Variants in GRIK4 observed in about 807,000 individuals in gnomAD.
GRIK4 encodes the protein glutamate receptor ionotropic, kainate 4.
In GRIK4, 40 loss-of-function variants were observed where a neutral mutation model predicts 104.9. The observed-to-expected ratio is 0.38, with a 90% CI of 0.30 to 0.50. GRIK4 has a LOEUF of 0.50. Ranked by LOEUF, GRIK4 falls within the 20% of genes least tolerant of loss-of-function variation. The pLI is 0.93. For missense variants in GRIK4, 1,047 were observed against 1,308.1 expected (o/e 0.80, Z 3.08); for synonymous variants, 485 against 524.9 (o/e 0.92, Z 1.04).
In GRIK4 at chr11:120,973,913, A is replaced by ATT. The variant is rs5795258; in HGVS notation, c.2395+6601_2395+6602dup. Reference sequence around the variant, plus strand: ...ACCCAAAGATCTCTTCCCTTAAATCATTTTTTTTTTTTGAGACAGATTCTC... The same window carrying ATT: ...ACCCAAAGATCTCTTCCCTTAAATCATTTTTTTTTTTTTTGAGACAGATTCTC... On this transcript the variant is annotated intron_variant, in intron 19 of 20. Transcript: ENST00000527524. 3.3e-3 allele frequency among the ~76,000 whole-genome samples: 488 copies of ATT among 149,014 alleles called. 1 individual carries two copies. Among genetic ancestry groups the ATT allele is most frequent in the South Asian group, 5.3e-3 (25 of 4,720 alleles).
intron 14 of GRIK4, among the ~76,000 whole-genome samples, chr11:120,942,391 A>G (rs771726047): frequency 2.0e-4 from 31 of 152,164 alleles, no homozygotes; most frequent in Non-Finnish European, 4.0e-4. Flanking sequence ...GACATCCAAA[A>G]GAAATGGAGG....
intron 13 of GRIK4, among the ~76,000 whole-genome samples, chr11:120,911,322 T>C (rs1426283059): frequency 1.0e-4 from 15 of 147,916 alleles, no homozygotes; most frequent in African/African-American, 3.5e-4. Context: ...CACTGCAAGC[T>C]CCGCCTCCCG....
rs138240220 is a variant in GRIK4, at chr11:120,571,185, A to G, written c.-159+59298A>G. On this transcript the variant is annotated intron_variant, in intron 1 of 20. Coordinates refer to ENST00000527524, the MANE Select transcript of GRIK4 (RefSeq NM_014619.5). ...GACTCCTTTTGCCTTTCCCTGATTT[A>G]CATTCCCTATTTCTGAGACCTTGCA... Among the ~76,000 whole-genome samples, 230 of 152,266 alleles carry G rather than the reference A, an allele frequency of 1.5e-3. 1 individual carries two copies. The highest frequency in any genetic ancestry group is 5.1e-3 in the African/African-American group (210 of 41,546).
chr11:120,982,139 T>C lies in GRIK4; in HGVS notation c.2429T>C (p.Val810Ala). 1 of 1,612,500 alleles carries C rather than the reference T, an allele frequency of 6.2e-7. No homozygotes were observed. The highest frequency in any genetic ancestry group is 1.1e-5 in the South Asian group (1 of 91,070). Residue 810 changes from valine (V) to alanine (A), a missense_variant, in exon 20 of 21, where the codon GTG (valine) becomes GCG (alanine). Val to Ala is a moderately conservative substitution (Grantham distance 64, BLOSUM62 0). This residue lies in a region of GRIK4 where 440 missense variants were observed against 652.3 expected (regional missense o/e 0.67). Transcript: ENST00000527524. ...ATGGAGAATATTGGTGGAATCTTTG[T>C]GGTTCTTATTTGTGGCTTAATCGTG... is the stretch of plus-strand genomic sequence containing the variant. ...LGMENIGGIF[V>A]VLICGLIVAI... is the part of the protein sequence containing the mutation.
intron 1 of GRIK4, among the ~76,000 whole-genome samples, chr11:120,592,757 C>T (rs1174350555): frequency 6.6e-6 from 1 of 152,148 alleles, no homozygotes; most frequent in African/African-American, 2.4e-5. Context: ...GACCTCCCAC[C>T]CACATGTGCC....
intron 1 of GRIK4, among the ~76,000 whole-genome samples, chr11:120,646,354 A>G (rs144472913): frequency 4.0e-4 from 61 of 152,350 alleles, no homozygotes; most frequent in Non-Finnish European, 7.2e-4. Flanking sequence ...CCCAAGTCAC[A>G]TGACTGGTAG....
intron 7 of GRIK4, among the ~76,000 whole-genome samples, chr11:120,834,778 T>C (rs1418734180): frequency 6.6e-6 from 1 of 152,256 alleles, no homozygotes; most frequent in Non-Finnish European, 1.5e-5. Context: ...ACTCCATGTT[T>C]ACCCAGAAAT....
chr11:120,968,272 G>A (rs983742351), intron 19 of GRIK4, among the ~76,000 whole-genome samples: 10 of 152,184 alleles, frequency 6.6e-5, no homozygotes, highest in African/African-American at 2.4e-4. Context: ...TCTATCTATT[G>A]TAGATCAGTT....
At chr11:120,681,660 C>T (rs970515083) in intron 3 of GRIK4, among the ~76,000 whole-genome samples, 5 of 152,210 alleles carry the variant, frequency 3.3e-5, no homozygotes, top group African/African-American at 9.6e-5. Flanking sequence ...AGAACAGCGG[C>T]GGCCCACTTA....
intron 1 of GRIK4, among the ~76,000 whole-genome samples, chr11:120,573,119 G>C (rs1226575296): frequency 6.6e-6 from 1 of 152,194 alleles, no homozygotes; most frequent in African/African-American, 2.4e-5. Flanking sequence ...CATGAGCCAG[G>C]TTGGTTTTGC....
chr11:120,787,872 T>C (rs1356917306), intron 3 of GRIK4, among the ~76,000 whole-genome samples: 1 of 126,128 alleles, frequency 7.9e-6, no homozygotes, highest in Non-Finnish European at 1.7e-5. Context: ...TTTTTTTTTT[T>C]TTTTTTTTTG....
At chr11:120,763,503 C>G (rs1393300458) in intron 3 of GRIK4, among the ~76,000 whole-genome samples, 2 of 152,002 alleles carry the variant, frequency 1.3e-5, no homozygotes, top group East Asian at 3.8e-4. Flanking sequence ...TTTGTTTGCT[C>G]TTGCTTCTCT....
In GRIK4 at chr11:120,766,115, C is replaced by A. The variant is rs949144721; in HGVS notation, c.83-36578C>A. Among the ~76,000 whole-genome samples, 38 of 152,244 alleles carry A rather than the reference C, an allele frequency of 2.5e-4. 1 individual carries two copies. The highest frequency in any genetic ancestry group is 2.5e-3 in the Admixed American group (38 of 15,282). The stretch of plus-strand genomic sequence containing the variant: ...GGGAGTTTTATCTATAAGCTGCTGA[C>A]TGGGGCTGCTACCTTTCTTTCAGAG... On this transcript the variant is annotated intron_variant, in intron 3 of 20. Coordinates refer to ENST00000527524, the MANE Select transcript of GRIK4 (RefSeq NM_014619.5).
chr11:120,581,946 A>G (rs969695668), intron 1 of GRIK4, among the ~76,000 whole-genome samples: 11 of 151,916 alleles, frequency 7.2e-5, no homozygotes, highest in African/African-American at 2.2e-4. Context: ...AGCTGGGACT[A>G]CAGGTGCCCA....
In GRIK4 at chr11:120,952,721, A is replaced by T. The variant is rs1462585262; in HGVS notation, c.1591-134A>T. 1 of 721,536 alleles carries T rather than the reference A, an allele frequency of 1.4e-6. No homozygotes were observed. The allele number at this position is 721,536 out of a possible 1,614,324, so 44.7% of individuals were successfully genotyped here. ...CCTCATTCCCAGTGTCATTTAAACC[A>T]ATCACCCAGAACCCACAGAAATGGG... On this transcript the variant is annotated intron_variant, in intron 14 of 20. Coordinates refer to ENST00000527524, the MANE Select transcript of GRIK4 (RefSeq NM_014619.5). This position sits in a 1 kb window ranked among gnomAD's most constrained non-coding sequence, Gnocchi z 5.2.
At position 120,549,395 on chromosome 11, in the gene GRIK4, C is replaced by T. The variant is rs184739003; in HGVS notation, c.-159+37508C>T. Among the ~76,000 whole-genome samples, 85 of 152,280 alleles carry T rather than the reference C, an allele frequency of 5.6e-4. No homozygotes were observed. In the East Asian group the frequency reaches 9.5e-3, roughly 17 times the overall value. ...TGCTGGAATTATAGGCGTGAGCCAC[C>T]GCGCCCGGCCTTGGCTGTTCTTTAA... is the stretch of plus-strand genomic sequence containing the variant. On this transcript the variant is annotated intron_variant, in intron 1 of 20. Coordinates refer to ENST00000527524, the MANE Select transcript of GRIK4 (RefSeq NM_014619.5). The surrounding 1 kb of genome is among the most constrained non-coding windows in gnomAD (Gnocchi z 4.7).
chr11:120,823,527 T>C (rs1463292474), intron 6 of GRIK4, among the ~76,000 whole-genome samples: 2 of 152,240 alleles, frequency 1.3e-5, no homozygotes, highest in African/African-American at 4.8e-5. Context: ...GTCGCACAGC[T>C]GGTACGTGGC....
chr11:120,637,491 C>G (rs1949413502), intron 1 of GRIK4, among the ~76,000 whole-genome samples: 1 of 152,144 alleles, frequency 6.6e-6, no homozygotes. Context: ...AACAAATGTG[C>G]TGTAAATTTC....
intron 3 of GRIK4, among the ~76,000 whole-genome samples, chr11:120,798,971 G>C (rs541478974): frequency 7.1e-4 from 108 of 152,294 alleles, no homozygotes; most frequent in African/African-American, 2.5e-3. Context: ...AAACAAAATG[G>C]GGATAGGTGG....
Sources: gnomAD v4.1 joint callset for allele counts (sites outside exome capture counted in the v4.1 genomes callset) on GRCh38, gnomAD v4.1.1 for gene constraint, gnomAD v4.1.1 regional missense constraint, Gnocchi (gnomAD v3.1) non-coding constraint, MANE v1.5 for transcripts, NCBI Gene and HGNC (gene_info 2026-07-23, HGNC 2026-07-21) for gene names.